Variants in DROSHA observed in about 807,000 individuals in gnomAD.
The protein encoded by DROSHA is drosha ribonuclease III, also known as ribonuclease 3.
Under a neutral mutation model 181.9 loss-of-function variants are expected in DROSHA, and 56 were observed. That is an observed-to-expected ratio of 0.31 (90% CI 0.25 to 0.38). The LOEUF (loss-of-function observed/expected upper bound fraction) is 0.38. Ranked by LOEUF, DROSHA falls within the 10% of genes least tolerant of loss-of-function variation. The probability of loss-of-function intolerance (pLI) is 1.00; values close to 1 mark genes in which losing one functional copy is unlikely to be tolerated. For missense variants in DROSHA, 1,218 were observed against 1,743.5 expected, an observed-to-expected ratio of 0.70 and a Z score of 5.37; for synonymous variants, 524 against 591.2, an observed-to-expected ratio of 0.89 and a Z score of 1.65.
chr5:31,401,471 T>C lies in DROSHA; in HGVS notation c.4086A>G (p.Gln1362=). Residue 1362 remains glutamine, a synonymous_variant, in exon 36 of 36, where the codon CAA becomes CAG. Coordinates refer to ENST00000344624, the MANE Select transcript of DROSHA (RefSeq NM_001382508.1). ...CTTCAGTCTCATCTGGCTCTCTCTC[T>C]TGATGCTCTCTTTCCCACCTCATTT... The part of the protein sequence containing the change: ...LKEMRWEREH[Q]EREPDETEDI... The C allele has an allele frequency of 1.2e-6, 2 of 1,613,254 alleles. No homozygotes were observed. Among genetic ancestry groups the C allele is most frequent in the East Asian group, 4.5e-5 (2 of 44,796 alleles).
intron 12 of DROSHA, among the ~76,000 whole-genome samples, chr5:31,493,936 A>AC (rs879782057): frequency 0.38 from 47,990 of 127,440 alleles, 8,331 homozygotes; most frequent in East Asian, 0.62. Context: ...ATAACCCACC[A>AC]TTGTGTGTGT....
intron 20 of DROSHA, among the ~76,000 whole-genome samples, chr5:31,461,180 T>C (rs1253111118): frequency 6.6e-6 from 1 of 152,180 alleles, no homozygotes; most frequent in African/African-American, 2.4e-5. Context: ...ACATTTTATC[T>C]GATTTCTTTA....
chr5:31,471,312 ATTC>A (rs1749693532), intron 17 of DROSHA, among the ~76,000 whole-genome samples: 1 of 152,142 alleles, frequency 6.6e-6, no homozygotes, highest in Admixed American at 6.5e-5. Flanking sequence ...AAATATTTTA[ATTC>A]TTCATTTCTA....
intron 6 of DROSHA, among the ~76,000 whole-genome samples, chr5:31,517,681 C>A (rs1165174708): frequency 2.6e-5 from 4 of 152,052 alleles, no homozygotes; most frequent in Non-Finnish European, 5.9e-5. Context: ...TTTAATACTT[C>A]CAGAGTAAGT....
intron 25 of DROSHA, among the ~76,000 whole-genome samples, chr5:31,435,531 A>G (rs544139752): frequency 2.0e-5 from 3 of 152,070 alleles, no homozygotes; most frequent in South Asian, 2.1e-4. Flanking sequence ...ATTTTTCTTC[A>G]TCTGTTCTCA....
At chr5:31,480,986 T>C (rs1456623660) in intron 16 of DROSHA, among the ~76,000 whole-genome samples, 1 of 152,208 alleles carries the variant, frequency 6.6e-6, no homozygotes, top group Non-Finnish European at 1.5e-5. Context: ...TTTAAAAATA[T>C]CCATCTGCTC....
intron 27 of DROSHA, 89 bp downstream of exon 27, chr5:31,429,386 A>G (rs2150000533): frequency 2.4e-6 from 3 of 1,264,830 alleles, no homozygotes; most frequent in African/African-American, 1.5e-5. Context: ...TGTTTCTCCT[A>G]TATTCTCTTC....
At chr5:31,431,442 A>T in intron 26 of DROSHA, 134 bp downstream of exon 26, 6 of 526,630 alleles carry the variant, frequency 1.1e-5, no homozygotes, top group Admixed American at 3.3e-5. Context: ...ATAAGGTGGT[A>T]GGTGTCGTCC....
At chr5:31,430,461 G>A (rs1287394210) in intron 26 of DROSHA, among the ~76,000 whole-genome samples, 12 of 152,168 alleles carry the variant, frequency 7.9e-5, no homozygotes. Flanking sequence ...TGGATTGGAT[G>A]CTGCCAGAAT....
Position 31,421,297 on chromosome 5 carries a change from G to A in DROSHA, c.3500C>T (p.Pro1167Leu). ...AGTTAAGTGTCCTTCATGATGATCT[G>A]GGAAATGAATGAATAAGTACTCTGT... ...VATEYLFIHF[P>L]DHHEGHLTLL... is the part of the protein sequence containing the mutation. Residue 1167 changes from proline (P) to leucine (L), a missense_variant, in exon 30 of 36, where the codon CCA (proline) becomes CTA (leucine). Physicochemically the swap from Pro to Leu is moderately conservative, Grantham distance 98 (BLOSUM62 -3). Coordinates refer to ENST00000344624, the MANE Select transcript of DROSHA (RefSeq NM_001382508.1). 6.2e-7 allele frequency: 1 copy of A among 1,613,444 alleles called. No individual in the cohort carries two copies. The highest frequency in any genetic ancestry group is 8.5e-7 in the Non-Finnish European group (1 of 1,179,524).
chr5:31,483,113 T>TA (rs1205597481), intron 16 of DROSHA, among the ~76,000 whole-genome samples: 12 of 152,332 alleles, frequency 7.9e-5, no homozygotes, highest in South Asian at 6.2e-4. Flanking sequence ...TTTTTCACTG[T>TA]AAAATGAATT....
chr5:31,405,196 A>G (rs960510252), intron 35 of DROSHA, among the ~76,000 whole-genome samples: 7 of 152,030 alleles, frequency 4.6e-5, no homozygotes, highest in Non-Finnish European at 7.4e-5. Context: ...GTGAAACCCC[A>G]TCTCTACTAA....
At chr5:31,480,990 T>C (rs935548184) in intron 16 of DROSHA, among the ~76,000 whole-genome samples, 6 of 152,304 alleles carry the variant, frequency 3.9e-5, no homozygotes, top group Non-Finnish European at 7.4e-5. Context: ...AAAATATCCA[T>C]CTGCTCAATG....
chr5:31,450,181 G>A (rs954638764), intron 21 of DROSHA, among the ~76,000 whole-genome samples: 3 of 152,146 alleles, frequency 2.0e-5, no homozygotes, highest in Non-Finnish European at 4.4e-5. Context: ...GCAGGTGTTG[G>A]TGTGATGCAG....
At chr5:31,528,991 TC>T (rs1267900439) in intron 4 of DROSHA, 48 bp downstream of exon 4, 1 of 1,609,140 alleles carries the variant, frequency 6.2e-7, no homozygotes, top group African/African-American at 1.3e-5. Context: ...CAATGTCTGC[TC>T]CTCTCTCGGT....
At chr5:31,406,974 AT>A in intron 33 of DROSHA, 29 bp from the exon 34 acceptor site, 1 of 1,594,582 alleles carries the variant, frequency 6.3e-7, no homozygotes, top group South Asian at 1.1e-5. Context: ...AACATTTATT[AT>A]GGTAAAGTGT....
intron 11 of DROSHA, among the ~76,000 whole-genome samples, chr5:31,500,975 T>C (rs191737459): frequency 2.6e-5 from 4 of 152,314 alleles, no homozygotes; most frequent in Admixed American, 6.5e-5. Context: ...TTCCAATAAA[T>C]AGTCACACTA....
intron 11 of DROSHA, among the ~76,000 whole-genome samples, chr5:31,502,527 C>G (rs1403285191): frequency 6.6e-6 from 1 of 152,210 alleles, no homozygotes; most frequent in Non-Finnish European, 1.5e-5. Context: ...TTCTGTCAAT[C>G]CCACCAGGCA....
chr5:31,509,370 A>G (rs1352063051), intron 9 of DROSHA, among the ~76,000 whole-genome samples: 2 of 152,228 alleles, frequency 1.3e-5, no homozygotes, highest in African/African-American at 4.8e-5. Flanking sequence ...AAACCATAGT[A>G]GTAGTACGTA....
Sources: gnomAD v4.1 joint callset for allele counts (sites outside exome capture counted in the v4.1 genomes callset) on GRCh38, gnomAD v4.1.1 for gene constraint, MANE v1.5 for transcripts, NCBI Gene and HGNC (gene_info 2026-07-23, HGNC 2026-07-21) for gene names.